The following ARHGAP17 variants were observed in gnomAD, a reference collection of about 807,000 sequenced individuals.
ARHGAP17 encodes Rho GTPase activating protein 17.
In ARHGAP17, 57 loss-of-function variants were observed where a neutral mutation model predicts 99.5. That is an observed-to-expected ratio of 0.57 (90% CI 0.46 to 0.71). ARHGAP17 has a LOEUF of 0.71. Ranked by LOEUF, ARHGAP17 falls within the 30% of genes least tolerant of loss-of-function variation. ARHGAP17 has a pLI of 0.00. For synonymous variants in ARHGAP17, 417 were observed against 429.6 expected (o/e 0.97, Z 0.36); for missense variants, 1,000 against 1,122.4 (o/e 0.89, Z 1.56).
At chr16:24,939,229 C>G in intron 17 of ARHGAP17, 135 bp downstream of exon 17, 1 of 768,658 alleles carries the variant, frequency 1.3e-6, no homozygotes, top group Non-Finnish European at 2.0e-6. Flanking sequence ...TTTTGCCAAC[C>G]AGAGGAGTGA....
chr16:24,950,146 C>T (rs1044497519), intron 12 of ARHGAP17, among the ~76,000 whole-genome samples: 2 of 152,166 alleles, frequency 1.3e-5, no homozygotes. Context: ...AGAACAGAAC[C>T]ATTCTGGAGA....
chr16:25,001,666 G>A (rs957212748), intron 1 of ARHGAP17, among the ~76,000 whole-genome samples: 2 of 152,188 alleles, frequency 1.3e-5, no homozygotes, highest in African/African-American at 4.8e-5. Context: ...GCGATCCTCC[G>A]GCCTCAGCTT....
At chr16:25,005,502 G>A (rs1463559867) in intron 1 of ARHGAP17, among the ~76,000 whole-genome samples, 1 of 152,160 alleles carries the variant, frequency 6.6e-6, no homozygotes, top group Non-Finnish European at 1.5e-5. Flanking sequence ...CCTAAGATCT[G>A]CTAGAATAGA....
At chr16:24,974,467 G>A (rs977002854) in intron 3 of ARHGAP17, among the ~76,000 whole-genome samples, 2 of 152,078 alleles carry the variant, frequency 1.3e-5, no homozygotes, top group Non-Finnish European at 2.9e-5. Context: ...TTAGCATCTC[G>A]GTTCACCCTC....
rs1187209033 is a variant in ARHGAP17, at chr16:24,919,982, C to T, written c.*148G>A. The T allele has an allele frequency of 1.7e-5, 20 of 1,156,106 alleles. No individual in the cohort carries two copies. The highest frequency in any genetic ancestry group is 3.2e-4 in the Middle Eastern group (1 of 3,164). 71.6% of individuals were successfully genotyped at this position (1,156,106 alleles called of 1,614,324 possible). On this transcript the variant is annotated 3_prime_UTR_variant, in exon 20 of 20. Coordinates refer to ENST00000289968, the MANE Select transcript of ARHGAP17 (RefSeq NM_001006634.3). ...GGTGGCCTCCAGGTTCTCCTTGGGC[C>T]GTGCAGAAGGCCAGGTCCCGCACAG...
intron 18 of ARHGAP17, among the ~76,000 whole-genome samples, chr16:24,933,227 G>A (rs530157499): frequency 2.6e-5 from 4 of 151,132 alleles, no homozygotes; most frequent in Non-Finnish European, 4.4e-5. Flanking sequence ...GTAAAGTCTC[G>A]GTGGCTCATG....
At position 24,920,006 on chromosome 16, in the gene ARHGAP17, A is replaced by G. The variant is rs969666385; in HGVS notation, c.*124T>C. ...CCGTGCAGAAGGCCAGGTCCCGCAC[A>G]GTGAGGCCCTCCTTTGTCCTCCACT... On this transcript the variant is annotated 3_prime_UTR_variant, in exon 20 of 20. Coordinates refer to ENST00000289968, the MANE Select transcript of ARHGAP17 (RefSeq NM_001006634.3). 1.4e-6 allele frequency: 2 copies of G among 1,412,984 alleles called. No homozygotes were observed. The highest frequency in any genetic ancestry group is 1.4e-5 in the African/African-American group (1 of 69,988). The allele number at this position is 1,412,984 out of a possible 1,614,324, so 87.5% of individuals were successfully genotyped here.
chr16:24,946,699 A>G (rs2051483744), intron 14 of ARHGAP17, among the ~76,000 whole-genome samples: 1 of 152,148 alleles, frequency 6.6e-6, no homozygotes, highest in Non-Finnish European at 1.5e-5. Context: ...AAACATTCCT[A>G]ACACCAGGGA....
At chr16:24,972,795 A>G (rs1434250218) in intron 3 of ARHGAP17, among the ~76,000 whole-genome samples, 1 of 151,832 alleles carries the variant, frequency 6.6e-6, no homozygotes, top group Non-Finnish European at 1.5e-5. Flanking sequence ...CCCCAAAGCC[A>G]CAACAATCTT....
intron 13 of ARHGAP17, 131 bp from the exon 14 acceptor site, chr16:24,947,726 T>C: frequency 1.5e-6 from 1 of 675,760 alleles, no homozygotes; most frequent in Non-Finnish European, 2.6e-6. Flanking sequence ...AGAATCTGGC[T>C]CAGGTGAAGC....
At position 24,931,239 on chromosome 16, in the gene ARHGAP17, C is replaced by T. The variant is rs768713571; in HGVS notation, c.2060G>A (p.Gly687Asp). 1 of 1,549,570 alleles carries T rather than the reference C, an allele frequency of 6.5e-7. No individual in the cohort carries two copies. Among genetic ancestry groups the T allele is most frequent in the Non-Finnish European group, 8.7e-7 (1 of 1,148,404 alleles). The change falls in exon 19 of 20, where the codon GGC becomes GAC. Residue 687 changes from glycine to aspartate, a missense_variant. By Grantham distance (94) the Gly-to-Asp change is moderately conservative. This residue lies in a region of ARHGAP17 where 528 missense variants were observed against 511.4 expected (regional missense o/e 1.03). Transcript: ENST00000289968. ...PPTQHTGQPP[G>D]QPSAPSQLSA... ...GAGCTGGGAGGGGGCGGAGGGCTGG[C>T]CTGGAGGCTGGCCCGTGTGCTGGGT...
At chr16:24,969,358 T>G (rs953961608) in intron 4 of ARHGAP17, among the ~76,000 whole-genome samples, 1 of 152,116 alleles carries the variant, frequency 6.6e-6, no homozygotes. Context: ...AAGCTCTCTA[T>G]GGGGTTTTTT....
chr16:25,008,022 G>A (rs977778394), intron 1 of ARHGAP17, among the ~76,000 whole-genome samples: 2 of 152,000 alleles, frequency 1.3e-5, no homozygotes, highest in African/African-American at 4.8e-5. Flanking sequence ...ACCCAACCTG[G>A]CACTTCGGTT....
intron 1 of ARHGAP17, among the ~76,000 whole-genome samples, chr16:25,013,621 CAAAA>C (rs779178782): frequency 8.3e-6 from 1 of 120,996 alleles, no homozygotes; most frequent in Middle Eastern, 3.8e-3. Flanking sequence ...GACCCTGTCT[CAAAA>C]AAAAAAAAAA....
At chr16:24,965,331 G>A (rs1164529092) in intron 6 of ARHGAP17, among the ~76,000 whole-genome samples, 2 of 152,262 alleles carry the variant, frequency 1.3e-5, no homozygotes, top group East Asian at 1.9e-4. Flanking sequence ...TTAGCTGGGC[G>A]TGGTGGCAGG....
At chr16:24,970,397 CA>C in intron 4 of ARHGAP17, 109 bp downstream of exon 4, 2 of 1,028,694 alleles carry the variant, frequency 1.9e-6, no homozygotes, top group Non-Finnish European at 3.0e-6. Flanking sequence ...GCGGATGAGC[CA>C]TGCCATCAAC....
chr16:24,922,517 C>G (rs1174940800), intron 19 of ARHGAP17, among the ~76,000 whole-genome samples: 3 of 152,184 alleles, frequency 2.0e-5, no homozygotes, highest in African/African-American at 7.2e-5. Flanking sequence ...TGCCGCCCAC[C>G]TGCCCCATCT....
chr16:24,970,506 C>T lies in ARHGAP17; in HGVS notation c.272+1G>A, dbSNP rs199769717. 6.2e-7 allele frequency: 1 copy of T among 1,613,976 alleles called. No individual in the cohort carries two copies. Among genetic ancestry groups the T allele is most frequent in the East Asian group, 2.2e-5 (1 of 44,894 alleles). ...GGCACTCTGAAGGCAGCAACTCTTA[C>T]CCCAGGAGAGAGTCTTCCAGCTGAG... On this transcript the variant is annotated splice_donor_variant, in intron 4 of 19. Coordinates refer to ENST00000289968, the MANE Select transcript of ARHGAP17 (RefSeq NM_001006634.3). LOFTEE classifies it high-confidence loss of function.
chr16:24,935,009 T>C (rs1394882919), intron 18 of ARHGAP17, among the ~76,000 whole-genome samples: 1 of 152,134 alleles, frequency 6.6e-6, no homozygotes, highest in Non-Finnish European at 1.5e-5. Context: ...CATGATCTGC[T>C]TGGAGTTTTA....
Sources: allele counts gnomAD v4.1 joint callset (sites outside exome capture counted in the v4.1 genomes callset), GRCh38; gene constraint gnomAD v4.1.1; regional missense constraint gnomAD v4.1.1; transcripts MANE v1.5; gene names NCBI Gene and HGNC (gene_info 2026-07-23, HGNC 2026-07-21).